Variants in RASAL2 observed in about 807,000 individuals in gnomAD.
RASAL2 encodes the protein ras GTPase-activating protein nGAP.
RASAL2 carries 58 observed loss-of-function variants against 128.9 expected under a neutral mutation model. The ratio of observed to expected loss-of-function variants is 0.45; its 90% CI spans 0.36 to 0.56. The LOEUF (loss-of-function observed/expected upper bound fraction) is 0.56, where lower values mean the gene tolerates loss of function less well. Ranked by LOEUF, RASAL2 falls within the 20% of genes least tolerant of loss-of-function variation. The probability of loss-of-function intolerance (pLI) is 0.00; values close to 1 mark genes in which losing one functional copy is unlikely to be tolerated. For missense variants in RASAL2, 1,360 were observed against 1,601.6 expected, an observed-to-expected ratio of 0.85 and a Z score of 2.57; for synonymous variants, 561 against 580.8, an observed-to-expected ratio of 0.97 and a Z score of 0.49.
chr1:178,248,351 G>C (rs929683352), intron 1 of RASAL2, among the ~76,000 whole-genome samples: 2 of 151,970 alleles, frequency 1.3e-5, no homozygotes, highest in African/African-American at 4.8e-5. Flanking sequence ...TTTGATCTTT[G>C]TTGGTTTAAA....
At chr1:178,206,584 G>T (rs894687787) in intron 1 of RASAL2, among the ~76,000 whole-genome samples, 1 of 152,158 alleles carries the variant, frequency 6.6e-6, no homozygotes, top group Admixed American at 6.5e-5. Flanking sequence ...CAAAGTCCTT[G>T]TTCTTTACAG....
rs1672010135 is a variant in RASAL2 at position 178,376,781 on chromosome 1, C to T, written c.458-13319C>T. Reference sequence around the variant, plus strand: ...ATTTTGGCATCTTCCAGAATAGCACCGAATAGGTACTTAGTAGATACTTTT... The same window carrying T: ...ATTTTGGCATCTTCCAGAATAGCACTGAATAGGTACTTAGTAGATACTTTT... On this transcript the variant is annotated intron_variant, in intron 3 of 17. Coordinates refer to ENST00000367649, the MANE Select transcript of RASAL2 (RefSeq NM_170692.4). Among the ~76,000 whole-genome samples, 13 of 152,116 alleles carry T rather than the reference C, an allele frequency of 8.5e-5. No individual in the cohort carries two copies. In the South Asian group the frequency reaches 2.7e-3, roughly 32 times the overall value.
intron 1 of RASAL2, among the ~76,000 whole-genome samples, chr1:178,118,684 G>A (rs1409830007): frequency 6.6e-6 from 1 of 152,160 alleles, no homozygotes; most frequent in African/African-American, 2.4e-5. Flanking sequence ...CAAAATCTCT[G>A]CTAATGTTTG....
chr1:178,249,538 C>G (rs1163981421), intron 1 of RASAL2, among the ~76,000 whole-genome samples: 1 of 151,994 alleles, frequency 6.6e-6, no homozygotes, highest in African/African-American at 2.4e-5. Context: ...GAAGCCTACT[C>G]CTGTCAGCTC....
chr1:178,411,165 TACACACACAC>T (rs138482764), intron 4 of RASAL2, among the ~76,000 whole-genome samples: 56 of 149,652 alleles, frequency 3.7e-4, no homozygotes, highest in Admixed American at 1.3e-4. Context: ...TGTGTGTGTG[TACACACACAC>T]ACACACACAC....
intron 1 of RASAL2, among the ~76,000 whole-genome samples, chr1:178,218,957 A>G (rs1663523775): frequency 6.6e-6 from 1 of 152,226 alleles, no homozygotes; most frequent in South Asian, 2.1e-4. Flanking sequence ...TTCCAATAGC[A>G]GACTGTTTCA....
intron 1 of RASAL2, among the ~76,000 whole-genome samples, chr1:178,273,454 G>A (rs1006157354): frequency 2.0e-5 from 3 of 152,080 alleles, no homozygotes; most frequent in Non-Finnish European, 2.9e-5. Flanking sequence ...TTGTAGTGTC[G>A]AAGGGAATGT....
Position 178,212,297 on chromosome 1 carries a change from A to T in RASAL2, c.203-71267A>T, listed in dbSNP as rs143387308. ...AATTACAAAGAATTCCCAAACACAA[A>T]ATGTAATGAACTATAACAAGCATAA... On this transcript the variant is annotated intron_variant, in intron 1 of 17. Transcript: ENST00000367649. 3.3e-3 allele frequency among the ~76,000 whole-genome samples: 506 copies of T among 152,330 alleles called. 1 individual carries two copies. The highest frequency in any genetic ancestry group is 0.017 in the Middle Eastern group (5 of 294).
intron 4 of RASAL2, among the ~76,000 whole-genome samples, chr1:178,407,713 G>A (rs1337164289): frequency 6.6e-6 from 1 of 152,118 alleles, no homozygotes; most frequent in African/African-American, 2.4e-5. Flanking sequence ...TTAAAGCAGG[G>A]TTTTGTTGCA....
chr1:178,155,432 A>G (rs1042719281), intron 1 of RASAL2, among the ~76,000 whole-genome samples: 1 of 151,112 alleles, frequency 6.6e-6, no homozygotes, highest in African/African-American at 2.4e-5. Context: ...CCCCTGAAGA[A>G]CATAGCTCAC....
intron 1 of RASAL2, among the ~76,000 whole-genome samples, chr1:178,131,923 A>G (rs965232502): frequency 6.6e-6 from 1 of 152,200 alleles, no homozygotes; most frequent in African/African-American, 2.4e-5. Flanking sequence ...GTTTATCCCT[A>G]TACTAAAATT....
chr1:178,471,358 C>G (rs1648249041), intron 17 of RASAL2, among the ~76,000 whole-genome samples: 2 of 151,984 alleles, frequency 1.3e-5, no homozygotes, highest in Non-Finnish European at 1.5e-5. Context: ...TTTCAAAGAT[C>G]TATATTTGTT....
intron 3 of RASAL2, among the ~76,000 whole-genome samples, chr1:178,330,991 T>A (rs1669277155): frequency 6.6e-6 from 1 of 152,298 alleles, no homozygotes; most frequent in Admixed American, 6.5e-5. Flanking sequence ...TGGGTACTGT[T>A]ATTATGCCTC....
At chr1:178,434,691 A>C (rs1676142004) in intron 5 of RASAL2, among the ~76,000 whole-genome samples, 1 of 152,044 alleles carries the variant, frequency 6.6e-6, no homozygotes, top group African/African-American at 2.4e-5. Flanking sequence ...TGCTGTCAGG[A>C]TCCTCAGGCT....
At chr1:178,204,398 C>T (rs1479397914) in intron 1 of RASAL2, among the ~76,000 whole-genome samples, 3 of 152,096 alleles carry the variant, frequency 2.0e-5, no homozygotes, top group Non-Finnish European at 2.9e-5. Context: ...TGAGAGGAAG[C>T]CAGGCACTGC....
At chr1:178,340,563 A>G (rs1299232012) in intron 3 of RASAL2, among the ~76,000 whole-genome samples, 1 of 152,214 alleles carries the variant, frequency 6.6e-6, no homozygotes, top group Non-Finnish European at 1.5e-5. Flanking sequence ...TAGCTTTGGA[A>G]AGCCACTCAG....
chr1:178,335,271 T>A (rs997831315), intron 3 of RASAL2, among the ~76,000 whole-genome samples: 18 of 152,126 alleles, frequency 1.2e-4, no homozygotes, highest in Admixed American at 3.9e-4. Flanking sequence ...ATAGCATATC[T>A]ACAAACCAAA....
At chr1:178,148,328 C>G (rs140869217) in intron 1 of RASAL2, among the ~76,000 whole-genome samples, 21 of 152,018 alleles carry the variant, frequency 1.4e-4, no homozygotes, top group African/African-American at 4.8e-4. Context: ...TATAAATTGT[C>G]TGGAGGAAAG....
chr1:178,376,942 G>T (rs1672021664), intron 3 of RASAL2, among the ~76,000 whole-genome samples: 1 of 151,918 alleles, frequency 6.6e-6, no homozygotes, highest in African/African-American at 2.4e-5. Flanking sequence ...AACCTTTTCA[G>T]GTACTTTGAT....
Sources: allele counts gnomAD v4.1 joint callset (sites outside exome capture counted in the v4.1 genomes callset), GRCh38; gene constraint gnomAD v4.1.1; transcripts MANE v1.5; gene names NCBI Gene and HGNC (gene_info 2026-07-23, HGNC 2026-07-21).